The following BCAS3 variants were observed in gnomAD, a reference collection of about 807,000 sequenced individuals.
The protein encoded by BCAS3 is BCAS3 microtubule associated cell migration factor.
BCAS3 carries 53 observed loss-of-function variants against 116.1 expected under a neutral mutation model. That is an observed-to-expected ratio of 0.46 (90% CI 0.37 to 0.57). BCAS3 has a LOEUF of 0.57. Among genes scored for constraint, BCAS3 ranks in the 20% least tolerant of loss-of-function variants. The pLI, the probability that BCAS3 is intolerant of heterozygous loss-of-function variation, is 0.00. For synonymous variants in BCAS3, 391 were observed against 408.2 expected (o/e 0.96, Z 0.51); for missense variants, 917 against 1,165.4 (o/e 0.79, Z 3.10).
At position 61,028,893 on chromosome 17, in the gene BCAS3, C is replaced by T. The variant is rs935760969; in HGVS notation, c.1638-5773C>T. On this transcript the variant is annotated intron_variant, in intron 16 of 23. Coordinates refer to ENST00000407086, the MANE Select transcript of BCAS3 (RefSeq NM_017679.5). The surrounding 1 kb of genome is among the most constrained non-coding windows in gnomAD (Gnocchi z 4.3). ...TTAAAATGTTACTTTCCCAGTGGTG[C>T]ATGTTTTTTCCATTAAGATCTTAAT... 6.6e-6 allele frequency among the ~76,000 whole-genome samples: 1 copy of T among 151,836 alleles called. No individual in the cohort carries two copies. The highest frequency in any genetic ancestry group is 2.4e-5 in the African/African-American group (1 of 41,418).
intron 7 of BCAS3, chr17:60,810,141 C>T (rs1250999641): frequency 2.1e-5 from 8 of 382,878 alleles, no homozygotes; most frequent in Non-Finnish European, 4.1e-5. Context: ...GAGTCCTGTC[C>T]TCTCACTCTC....
intron 6 of BCAS3, among the ~76,000 whole-genome samples, chr17:60,775,217 T>G (rs2045156914): frequency 6.6e-6 from 1 of 152,172 alleles, no homozygotes; most frequent in Non-Finnish European, 1.5e-5. Context: ...GTGGGGTTTT[T>G]TTTCTCTCGG....
rs1009270478 is a variant in BCAS3, at chr17:61,180,373, C to G, written c.2425+95809C>G. Among the ~76,000 whole-genome samples, 1 of 152,172 alleles carries G rather than the reference C, an allele frequency of 6.6e-6. No homozygotes were observed. Among genetic ancestry groups the G allele is most frequent in the African/African-American group, 2.4e-5 (1 of 41,430 alleles). On this transcript the variant is annotated intron_variant, in intron 22 of 23. Coordinates refer to ENST00000407086, the MANE Select transcript of BCAS3 (RefSeq NM_017679.5). The surrounding 1 kb of genome is among the most constrained non-coding windows in gnomAD (Gnocchi z 6.0). The stretch of plus-strand genomic sequence containing the variant: ...CAGATAAGAGATTAAACTATTCAGC[C>G]AACAAGCTGTAATAAATAAACTCTA...
intron 22 of BCAS3, among the ~76,000 whole-genome samples, chr17:61,096,924 T>C (rs2074012243): frequency 6.6e-6 from 1 of 152,178 alleles, no homozygotes; most frequent in Non-Finnish European, 1.5e-5. Flanking sequence ...AGTATCAAAC[T>C]GTCTAACATC....
chr17:61,176,540 T>C (rs1349858019), intron 22 of BCAS3, among the ~76,000 whole-genome samples: 1 of 148,414 alleles, frequency 6.7e-6, no homozygotes, highest in African/African-American at 2.5e-5. Context: ...TATTTATTTA[T>C]TTATTTATTT....
At chr17:60,703,062 G>C (rs2036625444) in intron 4 of BCAS3, among the ~76,000 whole-genome samples, 2 of 142,660 alleles carry the variant, frequency 1.4e-5, no homozygotes, top group East Asian at 2.3e-4. Flanking sequence ...ATCACCTGAG[G>C]CCAGGAGTTT....
chr17:60,694,000 C>T lies in BCAS3; in HGVS notation c.214+4239C>T, dbSNP rs187193088. Among the ~76,000 whole-genome samples, 1,041 of 150,202 alleles carry T rather than the reference C, an allele frequency of 6.9e-3. 8 individuals are homozygous for T. Among genetic ancestry groups the T allele is most frequent in the Non-Finnish European group, 0.01 (709 of 67,792 alleles). On this transcript the variant is annotated intron_variant, in intron 4 of 23. Coordinates refer to ENST00000407086, the MANE Select transcript of BCAS3 (RefSeq NM_017679.5). ...TCCTGGGTTCATGTCATTCTCCTGC[C>T]TCAGCCTCTCGAGTAGCTGGGACTA...
intron 4 of BCAS3, among the ~76,000 whole-genome samples, chr17:60,700,939 T>A (rs1370709323): frequency 6.6e-5 from 10 of 151,938 alleles, no homozygotes; most frequent in Admixed American, 3.3e-4. Context: ...ATTAAGGAAT[T>A]TAGCTTCTAG....
At chr17:61,044,775 CCTT>C (rs1486982022) in intron 19 of BCAS3, among the ~76,000 whole-genome samples, 1 of 150,864 alleles carries the variant, frequency 6.6e-6, no homozygotes, top group South Asian at 2.1e-4. Context: ...ATGCTAAAGT[CCTT>C]TTTTTTTTTT....
At chr17:61,238,730 C>T (rs1254853568) in intron 22 of BCAS3, among the ~76,000 whole-genome samples, 2 of 152,122 alleles carry the variant, frequency 1.3e-5, no homozygotes, top group East Asian at 3.9e-4. Flanking sequence ...GTATTCTTAT[C>T]CTCTGCTGAC....
intron 5 of BCAS3, among the ~76,000 whole-genome samples, chr17:60,745,541 C>A (rs768428506): frequency 1.8e-4 from 27 of 151,926 alleles, no homozygotes; most frequent in Non-Finnish European, 3.5e-4. Context: ...GGAAGTTGAA[C>A]AAATAACCTT....
chr17:61,374,819 T>G (rs1294179431), intron 23 of BCAS3, among the ~76,000 whole-genome samples: 1 of 152,266 alleles, frequency 6.6e-6, no homozygotes, highest in African/African-American at 2.4e-5. Flanking sequence ...TCTATTATTC[T>G]AAGAATTATC....
In BCAS3 at chr17:61,244,169, G is replaced by A. The variant is rs866342109; in HGVS notation, c.2426-124158G>A. Among the ~76,000 whole-genome samples, 25 of 151,976 alleles carry A rather than the reference G, an allele frequency of 1.6e-4. No homozygotes were observed. Among genetic ancestry groups the A allele is most frequent in the African/African-American group, 5.6e-4 (23 of 41,354 alleles). On this transcript the variant is annotated intron_variant, in intron 22 of 23. Transcript: ENST00000407086. This position sits in a 1 kb window ranked among gnomAD's most constrained non-coding sequence, Gnocchi z 4.9. ...GTAATACATATTTATTATTTAAAAA[G>A]CTTAAGAAAAAACAGAAGAAAAAAG...
At chr17:60,695,703 A>G (rs2035504711) in intron 4 of BCAS3, among the ~76,000 whole-genome samples, 1 of 152,102 alleles carries the variant, frequency 6.6e-6, no homozygotes, top group South Asian at 2.1e-4. Context: ...GGCTCATATG[A>G]TCCTCCTGCC....
rs568948255 is a variant in BCAS3, at chr17:61,300,209, A to G, written c.2426-68118A>G. Among the ~76,000 whole-genome samples the G allele has an allele frequency of 2.6e-5, 4 of 152,330 alleles. No individual in the cohort carries two copies. The highest frequency in any genetic ancestry group is 7.2e-5 in the African/African-American group (3 of 41,582). On this transcript the variant is annotated intron_variant, in intron 22 of 23. Coordinates refer to ENST00000407086, the MANE Select transcript of BCAS3 (RefSeq NM_017679.5). This position sits in a 1 kb window ranked among gnomAD's most constrained non-coding sequence, Gnocchi z 5.1. ...AACAGCCAGCCAGTCTTCTATGAGA[A>G]AGATGTCACTTGCCACATACAGTCC...
At chr17:60,983,965 G>C (rs2062971428) in intron 14 of BCAS3, among the ~76,000 whole-genome samples, 1 of 151,810 alleles carries the variant, frequency 6.6e-6, no homozygotes, top group African/African-American at 2.4e-5. Flanking sequence ...CTTTTAATAG[G>C]ACCCCTGATC....
At chr17:61,040,520 A>G (rs982798785) in intron 18 of BCAS3, among the ~76,000 whole-genome samples, 2 of 152,208 alleles carry the variant, frequency 1.3e-5, no homozygotes, top group Non-Finnish European at 2.9e-5. Flanking sequence ...AATCTTCTGA[A>G]TGTCTTGCCT....
At position 61,097,198 on chromosome 17, in the gene BCAS3, A is replaced by G. The variant is rs544168428; in HGVS notation, c.2425+12634A>G. Among the ~76,000 whole-genome samples, 14 of 152,164 alleles carry G rather than the reference A, an allele frequency of 9.2e-5. No homozygotes were observed. The highest frequency in any genetic ancestry group is 1.5e-4 in the Non-Finnish European group (10 of 68,002). On this transcript the variant is annotated intron_variant, in intron 22 of 23. Coordinates refer to ENST00000407086, the MANE Select transcript of BCAS3 (RefSeq NM_017679.5). This position sits in a 1 kb window ranked among gnomAD's most constrained non-coding sequence, Gnocchi z 4.0. ...TTGTTTTTTTCTTTTTTCTTTTTTG[A>G]GACTGAGTCTCGCTCTGTCACCCAG... is the stretch of plus-strand genomic sequence containing the variant.
In BCAS3 at chr17:61,379,296, G is replaced by GCCTCTGCC. The variant is rs966217167; in HGVS notation, c.2593+10811_2593+10818dup. 2 of 152,242 alleles carry GCCTCTGCC rather than the reference G, an allele frequency of 1.3e-5. No homozygotes were observed. The highest frequency in any genetic ancestry group is 2.9e-5 in the Non-Finnish European group (2 of 68,098). The allele number at this position is 152,242 out of a possible 1,614,324, so 9.4% of individuals were successfully genotyped here. On this transcript the variant is annotated intron_variant, in intron 23 of 23. Coordinates refer to ENST00000407086, the MANE Select transcript of BCAS3 (RefSeq NM_017679.5). This position sits in a 1 kb window ranked among gnomAD's most constrained non-coding sequence, Gnocchi z 5.5. ...ATTCCCACCTTTCCCTTCTGCCCTT[G>GCCTCTGCC]CCTCTGCCCCTCTGCCTTCTCGAAA...
Sources: allele counts gnomAD v4.1 joint callset (sites outside exome capture counted in the v4.1 genomes callset), GRCh38; gene constraint gnomAD v4.1.1; non-coding constraint Gnocchi (gnomAD v3.1); transcripts MANE v1.5; gene names NCBI Gene and HGNC (gene_info 2026-07-23, HGNC 2026-07-21).